The following PCDHGC4 variants were observed in gnomAD, a reference collection of about 807,000 sequenced individuals.
PCDHGC4 encodes protocadherin gamma subfamily C, 4.
PCDHGC4 carries 15 observed loss-of-function variants against 59.7 expected under a neutral mutation model. The ratio of observed to expected loss-of-function variants is 0.25; its 90% CI spans 0.17 to 0.39. The LOEUF (loss-of-function observed/expected upper bound fraction) is 0.39, where lower values mean the gene tolerates loss of function less well. PCDHGC4 is among the 10% of genes least tolerant of loss of function. PCDHGC4 has a pLI of 1.00. For synonymous variants in PCDHGC4, 434 were observed against 481.4 expected (o/e 0.90, Z 1.29); for missense variants, 1,016 against 1,189.5 (o/e 0.85, Z 2.15).
chr5:141,510,894 A>G, intron 3 of PCDHGC4, 53 bp from the exon 4 acceptor site: 2 of 1,612,850 alleles, frequency 1.2e-6, no homozygotes, highest in Non-Finnish European at 8.5e-7. Flanking sequence ...TAAGACAGTG[A>G]CTGTTGAGGA....
chr5:141,500,271 C>T (rs936454651), intron 2 of PCDHGC4, among the ~76,000 whole-genome samples: 3 of 151,598 alleles, frequency 2.0e-5, no homozygotes, highest in African/African-American at 7.3e-5. Flanking sequence ...TGCAGTGGCG[C>T]AATCTCGGCT....
In PCDHGC4 at chr5:141,491,144, TGGA is replaced by T. The variant is rs757881044; in HGVS notation, c.2442+3533_2442+3535del. ...GAGGTGCGCACAGCCCGGGCCTTAC[TGGA>T]GGATGACTCTGACACCCAGCAGGTG... On this transcript the variant is annotated intron_variant, in intron 1 of 3. Coordinates refer to ENST00000306593, the MANE Select transcript of PCDHGC4 (RefSeq NM_018928.3). This position sits in a 1 kb window ranked among gnomAD's most constrained non-coding sequence, Gnocchi z 6.9. The T allele has an allele frequency of 1.2e-6, 2 of 1,614,158 alleles. No individual in the cohort carries two copies. The highest frequency in any genetic ancestry group is 2.2e-5 in the South Asian group (2 of 91,086).
chr5:141,495,199 G>A (rs1205495643), intron 2 of PCDHGC4, among the ~76,000 whole-genome samples: 1 of 152,164 alleles, frequency 6.6e-6, no homozygotes, highest in African/African-American at 2.4e-5. Context: ...CCCATGTACT[G>A]CCTAACCCCC....
At position 141,500,878 on chromosome 5, in the gene PCDHGC4, T is replaced by A. The variant is rs545375199; in HGVS notation, c.2502-4515T>A. On this transcript the variant is annotated intron_variant, in intron 2 of 3. Transcript: ENST00000306593. The stretch of plus-strand genomic sequence containing the variant: ...AGAAAACATACACATTCATTTACAA[T>A]TTTTTTTTTTTGAGACAGTCTCGCT... Among the ~76,000 whole-genome samples, 20 of 92,410 alleles carry A rather than the reference T, an allele frequency of 2.2e-4. 1 individual carries two copies. The East Asian group carries it at 4.8e-3, about 22-fold the overall frequency. The allele number at this position is 92,410 out of a possible 152,430, so 60.6% of individuals were successfully genotyped here.
At chr5:141,509,096 T>C (rs1364889034) in intron 3 of PCDHGC4, among the ~76,000 whole-genome samples, 1 of 152,124 alleles carries the variant, frequency 6.6e-6, no homozygotes, top group African/African-American at 2.4e-5. Context: ...ATGGGGGCTG[T>C]AGAAACCTGA....
chr5:141,486,253 C>G lies in PCDHGC4; in HGVS notation c.1080C>G (p.Pro360=). The change falls in exon 1 of 4, where the codon CCC becomes CCG. Residue 360 remains proline (P), a synonymous_variant. Coordinates refer to ENST00000306593, the MANE Select transcript of PCDHGC4 (RefSeq NM_018928.3). The surrounding 1 kb of genome is among the most constrained non-coding windows in gnomAD (Gnocchi z 5.0). ...ITVTSELGTL[P]ESAEPGTVVA... Reference sequence around the variant, plus strand: ...TGACCTCAGAGCTTGGAACCCTCCCCGAGAGTGCAGAACCTGGCACTGTGG... The same window carrying G: ...TGACCTCAGAGCTTGGAACCCTCCCGGAGAGTGCAGAACCTGGCACTGTGG... The G allele has an allele frequency of 6.2e-7, 1 of 1,614,138 alleles. No homozygotes were observed. Among genetic ancestry groups the G allele is most frequent in the East Asian group, 2.2e-5 (1 of 44,866 alleles).
chr5:141,494,985 C>A, intron 2 of PCDHGC4, 120 bp downstream of exon 2: 1 of 1,559,680 alleles, frequency 6.4e-7, no homozygotes. Context: ...AGTTTGAGAT[C>A]CCAGGGAGGT....
chr5:141,487,811 A>C lies in PCDHGC4; in HGVS notation c.2442+196A>C, dbSNP rs1389081995. 2 of 1,414,662 alleles carry C rather than the reference A, an allele frequency of 1.4e-6. No homozygotes were observed. The highest frequency in any genetic ancestry group is 1.9e-6 in the Non-Finnish European group (2 of 1,041,698). The allele number at this position is 1,414,662 out of a possible 1,614,324, so 87.6% of individuals were successfully genotyped here. On this transcript the variant is annotated intron_variant, in intron 1 of 3. Coordinates refer to ENST00000306593, the MANE Select transcript of PCDHGC4 (RefSeq NM_018928.3). This position sits in a 1 kb window ranked among gnomAD's most constrained non-coding sequence, Gnocchi z 5.0. ...TTAACCAGAGTTGTCACAGTTTAGC[A>C]TTGGGGGCGGGTCATGCCTATATCT...
chr5:141,489,610 C>G lies in PCDHGC4; in HGVS notation c.2442+1995C>G, dbSNP rs142775705. 3,083 of 1,614,088 alleles carry G rather than the reference C, an allele frequency of 1.9e-3. 6 individuals are homozygous for G. Among genetic ancestry groups the G allele is most frequent in the Non-Finnish European group, 2.4e-3 (2,793 of 1,179,988 alleles). ...GCTAATCCGTGTAGAGGTAGAGATC[C>G]TGGATCTCAATGACAACTCTCCTAG... On this transcript the variant is annotated intron_variant, in intron 1 of 3. Transcript: ENST00000306593. The surrounding 1 kb of genome is among the most constrained non-coding windows in gnomAD (Gnocchi z 4.5).
intron 2 of PCDHGC4, among the ~76,000 whole-genome samples, chr5:141,500,184 TTTTATTTATTTATTTATTTA>T (rs58019021): frequency 1.5e-5 from 2 of 135,966 alleles, no homozygotes; most frequent in Non-Finnish European, 3.2e-5. Flanking sequence ...TCATTTTTAT[TTTTATTTATTTATTTATTTA>T]TTTATTTATT....
chr5:141,486,504 A>G lies in PCDHGC4; in HGVS notation c.1331A>G (p.Asn444Ser). ...AGTACCCACAGAACTATTTTCCTCA[A>G]TATTTCAGATGTGAATGATAATCCA... ...PLSTHRTIFL[N>S]ISDVNDNPPS... Residue 444 changes from asparagine to serine, a missense_variant, in exon 1 of 4, where the codon AAT (asparagine) becomes AGT (serine). Transcript: ENST00000306593. The surrounding 1 kb of genome is among the most constrained non-coding windows in gnomAD (Gnocchi z 5.0). 7.4e-6 allele frequency: 12 copies of G among 1,614,100 alleles called. No individual in the cohort carries two copies. Among genetic ancestry groups the G allele is most frequent in the Non-Finnish European group, 1.0e-5 (12 of 1,179,986 alleles).
In PCDHGC4 at chr5:141,512,443, CCTT is replaced by C. The variant is rs1263805618; in HGVS notation, c.*1272_*1274del. On this transcript the variant is annotated 3_prime_UTR_variant, in exon 4 of 4. Coordinates refer to ENST00000306593, the MANE Select transcript of PCDHGC4 (RefSeq NM_018928.3). ...GCCCCTGCCCTCCTGAAGCCTCAGT[CCTT>C]CACCTTGCCAGGTGCCGTTTCTCTT... The C allele has an allele frequency of 1.3e-5, 2 of 152,896 alleles. No homozygotes were observed. The highest frequency in any genetic ancestry group is 4.8e-5 in the African/African-American group (2 of 41,468). 9.5% of individuals were successfully genotyped at this position (152,896 alleles called of 1,614,324 possible).
chr5:141,501,453 C>T (rs567794395), intron 2 of PCDHGC4, among the ~76,000 whole-genome samples: 1 of 152,094 alleles, frequency 6.6e-6, no homozygotes, highest in Non-Finnish European at 1.5e-5. Flanking sequence ...TTTTACTTTT[C>T]ACTATTCCCC....
rs1562137828 is a variant in PCDHGC4 at position 141,490,359 on chromosome 5, T to C, written c.2442+2744T>C. On this transcript the variant is annotated intron_variant, in intron 1 of 3. Transcript: ENST00000306593. This position sits in a 1 kb window ranked among gnomAD's most constrained non-coding sequence, Gnocchi z 5.4. ...TGGGCACAGTAGTGGGGTTGTTTAA[T>C]GTGCGAGACCGGGACTCAGGTAGAA... The C allele has an allele frequency of 1.9e-6, 3 of 1,614,212 alleles. No individual in the cohort carries two copies. The highest frequency in any genetic ancestry group is 2.5e-6 in the Non-Finnish European group (3 of 1,180,036).
rs144222319 is a variant in PCDHGC4, at chr5:141,505,519, C to T, written c.2590+38C>T. ...AGTGTGTGTATGGAAGAGTGGGAGACCTGGGGTTCTGGGGTGCATCTCACA... is the reference window on the plus strand; with the variant it reads ...AGTGTGTGTATGGAAGAGTGGGAGATCTGGGGTTCTGGGGTGCATCTCACA... On this transcript the variant is annotated intron_variant, in intron 3 of 3. Coordinates refer to ENST00000306593, the MANE Select transcript of PCDHGC4 (RefSeq NM_018928.3). The T allele has an allele frequency of 1.5e-3, 2,491 of 1,613,690 alleles. 3 individuals carry two copies. The highest frequency in any genetic ancestry group is 2.6e-3 in the Middle Eastern group (16 of 6,060).
In PCDHGC4 at chr5:141,490,072, G is replaced by A; in HGVS notation, c.2442+2457G>A. On this transcript the variant is annotated intron_variant, in intron 1 of 3. Transcript: ENST00000306593. This position sits in a 1 kb window ranked among gnomAD's most constrained non-coding sequence, Gnocchi z 5.4. ...AGACGAGGGCACCAACGGCCAACTA[G>A]ACTATTCTTTTGGAGACCACACATC... is the stretch of plus-strand genomic sequence containing the variant. The A allele has an allele frequency of 6.2e-7, 1 of 1,614,254 alleles. No homozygotes were observed. The highest frequency in any genetic ancestry group is 8.5e-7 in the Non-Finnish European group (1 of 1,180,042).
At position 141,505,394 on chromosome 5, in the gene PCDHGC4, T is replaced by C; in HGVS notation, c.2503T>C (p.Ser835Pro). 6.2e-7 allele frequency: 1 copy of C among 1,614,110 alleles called. No homozygotes were observed. The highest frequency in any genetic ancestry group is 8.5e-7 in the Non-Finnish European group (1 of 1,180,002). The part of the protein sequence containing the change: ...SQAQRPGTSG[S>P]QNGDDTGTWP... ...CTCACCATCCTACTCTCTCCCCAGC[T>C]CCCAAAATGGCGATGACACCGGCAC... Residue 835 changes from serine (S) to proline (P), a missense_variant and splice_region_variant, in exon 3 of 4, where the codon TCC becomes CCC. By Grantham distance (74) the Ser-to-Pro change is moderately conservative. Coordinates refer to ENST00000306593, the MANE Select transcript of PCDHGC4 (RefSeq NM_018928.3).
At chr5:141,495,153 T>G (rs2154591630) in intron 2 of PCDHGC4, among the ~76,000 whole-genome samples, 1 of 152,290 alleles carries the variant, frequency 6.6e-6, no homozygotes, top group East Asian at 1.9e-4. Flanking sequence ...AGGATGGTCT[T>G]AAGCTGGTCT....
In PCDHGC4 at chr5:141,511,286, G is replaced by A. The variant is rs1231704933; in HGVS notation, c.*113G>A. On this transcript the variant is annotated 3_prime_UTR_variant, in exon 4 of 4. Coordinates refer to ENST00000306593, the MANE Select transcript of PCDHGC4 (RefSeq NM_018928.3). The stretch of plus-strand genomic sequence containing the variant: ...GGCTAACCCCCAGAATACTGGTAGG[G>A]GCCAAGGCCATGCTCCCCTTGGGAA... 2 of 1,520,242 alleles carry A rather than the reference G, an allele frequency of 1.3e-6. No individual in the cohort carries two copies. The allele number at this position is 1,520,242 out of a possible 1,614,324, so 94.2% of individuals were successfully genotyped here.
Sources: gnomAD v4.1 joint callset for allele counts (sites outside exome capture counted in the v4.1 genomes callset) on GRCh38, gnomAD v4.1.1 for gene constraint, Gnocchi (gnomAD v3.1) non-coding constraint, MANE v1.5 for transcripts, NCBI Gene and HGNC (gene_info 2026-07-23, HGNC 2026-07-21) for gene names.